The following PDE10A variants were observed in gnomAD, a reference collection of about 807,000 sequenced individuals.
PDE10A encodes the protein cAMP and cAMP-inhibited cGMP 3',5'-cyclic phosphodiesterase 10A.
In PDE10A, 39 loss-of-function variants were observed where a neutral mutation model predicts 97.7. That is an observed-to-expected ratio of 0.40 (90% CI 0.31 to 0.52). The LOEUF is 0.52. Ranked by LOEUF, PDE10A falls within the 20% of genes least tolerant of loss-of-function variation. The pLI, the probability that PDE10A is intolerant of heterozygous loss-of-function variation, is 0.56. For synonymous variants in PDE10A, 371 were observed against 376.8 expected, an observed-to-expected ratio of 0.98 and a Z score of 0.18; for missense variants, 731 against 1,047.8, an observed-to-expected ratio of 0.70 and a Z score of 4.17.
chr6:165,855,736 C>A (rs1304399897), intron 1 of PDE10A, among the ~76,000 whole-genome samples: 1 of 151,888 alleles, frequency 6.6e-6, no homozygotes, highest in Admixed American at 6.6e-5. Flanking sequence ...AAACGGACAC[C>A]GAGGAGCCCG....
At chr6:165,368,216 G>C (rs1049854956) in intron 18 of PDE10A, among the ~76,000 whole-genome samples, 3 of 152,130 alleles carry the variant, frequency 2.0e-5, no homozygotes, top group African/African-American at 7.2e-5. Context: ...GGCTGGCCTT[G>C]AACTCCCGGC....
intron 1 of PDE10A, among the ~76,000 whole-genome samples, chr6:165,766,954 T>G (rs1284964950): frequency 6.6e-6 from 1 of 152,236 alleles, no homozygotes; most frequent in Non-Finnish European, 1.5e-5. Context: ...GCTAACTACT[T>G]GAGTCTTTCA....
intron 1 of PDE10A, among the ~76,000 whole-genome samples, chr6:165,708,267 C>A (rs1791770273): frequency 6.6e-6 from 1 of 152,106 alleles, no homozygotes; most frequent in African/African-American, 2.4e-5. Context: ...CTCACTGACT[C>A]CTGGAGAGGC....
intron 1 of PDE10A, among the ~76,000 whole-genome samples, chr6:165,548,335 A>C (rs564968412): frequency 2.7e-5 from 4 of 147,030 alleles, no homozygotes; most frequent in African/African-American, 1.0e-4. Context: ...GACACAAGTA[A>C]ATTCCACATG....
chr6:165,576,551 CA>C lies in PDE10A; in HGVS notation c.866-32984del, dbSNP rs1785316348. ...TATACCATTAGCTTCTAAACAAAAA[CA>C]AAACAAAAAAATCAAATAACTAACA... On this transcript the variant is annotated intron_variant, in intron 1 of 21. Coordinates refer to ENST00000539869, the MANE Select transcript of PDE10A (RefSeq NM_001385079.1). The C allele has an allele frequency of 1.1e-5, 8 of 706,500 alleles. No individual in the cohort carries two copies. The East Asian group carries it at 2.0e-4, about 18-fold the overall frequency. 43.8% of individuals were successfully genotyped at this position (706,500 alleles called of 1,614,324 possible).
At chr6:165,883,055 G>A (rs759795982) in intron 1 of PDE10A, among the ~76,000 whole-genome samples, 1 of 152,116 alleles carries the variant, frequency 6.6e-6, no homozygotes, top group Non-Finnish European at 1.5e-5. Flanking sequence ...GGCCAAAATG[G>A]TGAAACCCCA....
chr6:165,960,965 A>G (rs924423855), intron 1 of PDE10A, among the ~76,000 whole-genome samples: 2 of 152,038 alleles, frequency 1.3e-5, no homozygotes, highest in African/African-American at 4.8e-5. Flanking sequence ...CAGAAGCAAG[A>G]GGGGAGGAAG....
In PDE10A at chr6:165,785,217, T is replaced by C. The variant is rs1250282221; in HGVS notation, c.-615+202312A>G. ...TTGCCTCCTGGTGTTGCTGTGATCATTGGAGACAGATTATTCACATGAAGT... is the reference window on the plus strand; with the variant it reads ...TTGCCTCCTGGTGTTGCTGTGATCACTGGAGACAGATTATTCACATGAAGT... On this transcript the variant is annotated intron_variant, in intron 1 of 19. Coordinates refer to the PDE10A transcript ENST00000366882. Among the ~76,000 whole-genome samples, 3 of 152,234 alleles carry C rather than the reference T, an allele frequency of 2.0e-5. No homozygotes were observed. In the East Asian group the frequency reaches 5.8e-4, roughly 29 times the overall value.
chr6:165,484,742 T>C (rs1347650054), intron 2 of PDE10A, among the ~76,000 whole-genome samples: 3 of 152,164 alleles, frequency 2.0e-5, no homozygotes, highest in Admixed American at 6.5e-5. Context: ...GCTGAGTGCT[T>C]CAATTGCACA....
intron 1 of PDE10A, among the ~76,000 whole-genome samples, chr6:165,923,885 A>G (rs1782836914): frequency 6.6e-6 from 1 of 152,194 alleles, no homozygotes; most frequent in Non-Finnish European, 1.5e-5. Context: ...TTACTTCTCA[A>G]ACTTCAGCTT....
chr6:165,455,485 G>C (rs1304988530), intron 3 of PDE10A, among the ~76,000 whole-genome samples: 1 of 152,194 alleles, frequency 6.6e-6, no homozygotes, highest in African/African-American at 2.4e-5. Context: ...AAAGAGAACA[G>C]GATAAATCAA....
chr6:165,684,539 T>C (rs573438108), intron 1 of PDE10A, among the ~76,000 whole-genome samples: 2 of 152,330 alleles, frequency 1.3e-5, no homozygotes, highest in East Asian at 1.9e-4. Flanking sequence ...TGGCATTTCA[T>C]TGGATGCATG....
intron 1 of PDE10A, among the ~76,000 whole-genome samples, chr6:165,698,210 G>T (rs951767575): frequency 3.3e-5 from 5 of 152,154 alleles, no homozygotes; most frequent in African/African-American, 1.2e-4. Context: ...ACTGAATACT[G>T]CTCAAGGCTG....
Position 165,721,122 on chromosome 6 carries a change from G to A in PDE10A, c.-614-177554C>T, listed in dbSNP as rs115198565. ...CAAATCAGGATAAAGAAGGATTTAC[G>A]AATTCCGGTTGTGGTATTCAAAAGA... On this transcript the variant is annotated intron_variant, in intron 1 of 19. Transcript: ENST00000366882. 7.6e-3 allele frequency among the ~76,000 whole-genome samples: 1,153 copies of A among 152,286 alleles called. 12 individuals carry two copies. Among genetic ancestry groups the A allele is most frequent in the African/African-American group, 0.026 (1,087 of 41,562 alleles).
At chr6:165,638,211 T>C in intron 1 of PDE10A, among the ~76,000 whole-genome samples, 1 of 152,222 alleles carries the variant, frequency 6.6e-6, no homozygotes, top group African/African-American at 2.4e-5. Context: ...AGAAAAAGTA[T>C]TTTAACCCTT....
rs1790642973 is a variant in PDE10A at position 165,671,355 on chromosome 6, T to A, written c.-614-127787A>T. 6.6e-6 allele frequency among the ~76,000 whole-genome samples: 1 copy of A among 152,140 alleles called. No individual in the cohort carries two copies. The highest frequency in any genetic ancestry group is 2.4e-5 in the African/African-American group (1 of 41,442). On this transcript the variant is annotated intron_variant, in intron 1 of 19. Transcript: ENST00000366882. The surrounding 1 kb of genome is among the most constrained non-coding windows in gnomAD (Gnocchi z 4.6). ...AGTAAGCACAACGACCCATGAGTGA[T>A]CACAGAGTGAGCATAACCCCTGAAG...
At chr6:165,846,592 C>T (rs1251786817) in intron 1 of PDE10A, among the ~76,000 whole-genome samples, 1 of 152,238 alleles carries the variant, frequency 6.6e-6, no homozygotes, top group African/African-American at 2.4e-5. Context: ...GTCCACAAGC[C>T]TTTGCTGAAC....
chr6:165,652,440 G>T (rs1190374584), intron 1 of PDE10A, among the ~76,000 whole-genome samples: 1 of 151,830 alleles, frequency 6.6e-6, no homozygotes, highest in African/African-American at 2.4e-5. Context: ...TCCCACCTAA[G>T]CCTCCCAAAG....
chr6:165,880,659 C>T (rs184557252), intron 1 of PDE10A, among the ~76,000 whole-genome samples: 3 of 152,356 alleles, frequency 2.0e-5, no homozygotes, highest in Admixed American at 1.3e-4. Context: ...TCTTCTGCCT[C>T]AACCTTGGCC....
Sources: allele counts gnomAD v4.1 joint callset (sites outside exome capture counted in the v4.1 genomes callset), GRCh38; gene constraint gnomAD v4.1.1; non-coding constraint Gnocchi (gnomAD v3.1); transcripts MANE v1.5; gene names NCBI Gene and HGNC (gene_info 2026-07-23, HGNC 2026-07-21).